AGPAT3: variants seen among roughly 807,000 people sequenced by gnomAD.
AGPAT3 encodes 1-acyl-sn-glycerol-3-phosphate acyltransferase gamma.
In AGPAT3, 5 loss-of-function variants were observed where a neutral mutation model predicts 47.3. That is an observed-to-expected ratio of 0.11 (90% confidence interval 0.06 to 0.22). The LOEUF is 0.22. AGPAT3 is among the 10% of genes least tolerant of loss of function. The pLI is 1.00. For missense variants in AGPAT3, 315 were observed against 493.0 expected (o/e 0.64, Z 3.42); for synonymous variants, 212 against 208.3 (o/e 1.02, Z -0.15).
rs911994522 is a variant in AGPAT3, at chr21:43,983,368, C to T, written c.*976C>T. 1 of 152,210 alleles carries T rather than the reference C, an allele frequency of 6.6e-6. No homozygotes were observed. Among genetic ancestry groups the T allele is most frequent in the Non-Finnish European group, 1.5e-5 (1 of 68,028 alleles). 9.4% of individuals were successfully genotyped at this position (152,210 alleles called of 1,614,324 possible). Reference sequence around the variant, plus strand: ...CTGTTAACACTGAGCTCATTGACTTCTAGAGATTTTATTTTTACTGGTTGA... The same window carrying T: ...CTGTTAACACTGAGCTCATTGACTTTTAGAGATTTTATTTTTACTGGTTGA... On this transcript the variant is annotated 3_prime_UTR_variant, in exon 10 of 10. Transcript: ENST00000291572.
intron 7 of AGPAT3, among the ~76,000 whole-genome samples, chr21:43,971,916 G>A (rs1421163206): frequency 6.6e-6 from 1 of 152,112 alleles, no homozygotes; most frequent in Non-Finnish European, 1.5e-5. Context: ...AGTCTCCTGG[G>A]GCCCACAGTC....
intron 1 of AGPAT3, among the ~76,000 whole-genome samples, chr21:43,871,096 G>A (rs2085615025): frequency 6.6e-6 from 1 of 152,246 alleles, no homozygotes; most frequent in Admixed American, 6.5e-5. Flanking sequence ...GTTGCCAACT[G>A]AATTCAACTG....
intron 3 of AGPAT3, chr21:43,964,997 T>C: frequency 6.4e-6 from 1 of 155,462 alleles, no homozygotes; most frequent in African/African-American, 2.4e-5. Context: ...GGTGTGATCT[T>C]GGCTCACTGC....
intron 1 of AGPAT3, among the ~76,000 whole-genome samples, chr21:43,893,965 G>T (rs1035743672): frequency 6.6e-6 from 1 of 152,180 alleles, no homozygotes; most frequent in Admixed American, 6.5e-5. Flanking sequence ...ACTTGATGTT[G>T]GAAAAACGTG....
intron 1 of AGPAT3, among the ~76,000 whole-genome samples, chr21:43,895,205 A>G (rs543548416): frequency 1.3e-5 from 2 of 151,832 alleles, no homozygotes; most frequent in Non-Finnish European, 1.5e-5. Context: ...CTTGGGTTCA[A>G]GCGATTCTCC....
At chr21:43,976,430 C>G (rs2089625176) in intron 7 of AGPAT3, among the ~76,000 whole-genome samples, 1 of 152,148 alleles carries the variant, frequency 6.6e-6, no homozygotes, top group Non-Finnish European at 1.5e-5. Context: ...GAACTCCTGG[C>G]CTCGTGGTCT....
intron 7 of AGPAT3, among the ~76,000 whole-genome samples, chr21:43,972,336 G>A (rs1434387045): frequency 6.6e-6 from 1 of 152,138 alleles, no homozygotes; most frequent in Non-Finnish European, 1.5e-5. Flanking sequence ...AGTAGAGACA[G>A]GGTTTTACCA....
Position 43,933,520 on chromosome 21 carries a change from C to T in AGPAT3, c.-48-26114C>T, listed in dbSNP as rs1569073021. On this transcript the variant is annotated intron_variant, in intron 2 of 9. Coordinates refer to ENST00000291572, the MANE Select transcript of AGPAT3 (RefSeq NM_020132.5). This position sits in a 1 kb window ranked among gnomAD's most constrained non-coding sequence, Gnocchi z 6.0. ...CTCCTGGCTGCTTCTTGACATTTTC[C>T]ATGCCCAGCATTGTTCTCAGTGCGC... Among the ~76,000 whole-genome samples, 2 of 152,112 alleles carry T rather than the reference C, an allele frequency of 1.3e-5. No homozygotes were observed. Among genetic ancestry groups the T allele is most frequent in the African/African-American group, 2.4e-5 (1 of 41,402 alleles).
chr21:43,957,845 GT>G (rs1454996872), intron 2 of AGPAT3, among the ~76,000 whole-genome samples: 1 of 152,244 alleles, frequency 6.6e-6, no homozygotes, highest in East Asian at 1.9e-4. Flanking sequence ...CCACACGGGG[GT>G]TGTAGGGCCG....
At chr21:43,968,494 G>A (rs2089250640) in intron 4 of AGPAT3, among the ~76,000 whole-genome samples, 1 of 151,808 alleles carries the variant, frequency 6.6e-6, no homozygotes, top group South Asian at 2.1e-4. Flanking sequence ...AGAGGAGCTG[G>A]GAGAGCCTTG....
rs748842140 is a variant in AGPAT3 at position 43,955,659 on chromosome 21, G to A, written c.-48-3975G>A. On this transcript the variant is annotated intron_variant, in intron 2 of 9. Coordinates refer to ENST00000291572, the MANE Select transcript of AGPAT3 (RefSeq NM_020132.5). The surrounding 1 kb of genome is among the most constrained non-coding windows in gnomAD (Gnocchi z 4.1). ...GGTGGCTCACACCTGTAATCCCAGCGCTTTGGGAGGTCGAGTTGGGCGGAT... is the reference window on the plus strand; with the variant it reads ...GGTGGCTCACACCTGTAATCCCAGCACTTTGGGAGGTCGAGTTGGGCGGAT... 6.6e-6 allele frequency among the ~76,000 whole-genome samples: 1 copy of A among 151,906 alleles called. No homozygotes were observed. Among genetic ancestry groups the A allele is most frequent in the Non-Finnish European group, 1.5e-5 (1 of 67,970 alleles).
At chr21:43,938,608 T>G (rs2087532896) in intron 2 of AGPAT3, among the ~76,000 whole-genome samples, 1 of 152,118 alleles carries the variant, frequency 6.6e-6, no homozygotes, top group Admixed American at 6.6e-5. Context: ...AATCTTCTAT[T>G]TTGTTCAGAC....
chr21:43,876,438 G>T (rs2085735102), intron 1 of AGPAT3, among the ~76,000 whole-genome samples: 1 of 152,218 alleles, frequency 6.6e-6, no homozygotes, highest in Non-Finnish European at 1.5e-5. Flanking sequence ...GGCTTGAAGG[G>T]AGCAAAGCCT....
intron 2 of AGPAT3, among the ~76,000 whole-genome samples, chr21:43,921,905 C>G (rs983371629): frequency 4.6e-5 from 7 of 152,096 alleles, no homozygotes; most frequent in African/African-American, 1.7e-4. Context: ...CTGTCTCCCC[C>G]ACCAAGGTGT....
At chr21:43,875,777 T>G (rs1441083355) in intron 1 of AGPAT3, among the ~76,000 whole-genome samples, 1 of 152,134 alleles carries the variant, frequency 6.6e-6, no homozygotes, top group Non-Finnish European at 1.5e-5. Flanking sequence ...CCGGCTAATT[T>G]TTGTATTTCT....
At chr21:43,963,707 CA>C (rs10582784) in intron 3 of AGPAT3, among the ~76,000 whole-genome samples, 21,200 of 66,056 alleles carry the variant, frequency 0.32, 1,001 homozygotes, top group Admixed American at 0.35. Flanking sequence ...GACTCTGTCT[CA>C]AAAAAAAAAA....
intron 2 of AGPAT3, among the ~76,000 whole-genome samples, chr21:43,914,770 G>T (rs1463346018): frequency 2.0e-5 from 3 of 152,058 alleles, no homozygotes; most frequent in African/African-American, 7.2e-5. Context: ...TCGAACTCCT[G>T]GTCTCAAGTG....
In AGPAT3 at chr21:43,956,980, C is replaced by T. The variant is rs1010702124; in HGVS notation, c.-48-2654C>T. ...AAGGGAAGAAGACCCCTCCACCTTT[C>T]GAGGGGAGGAGCGAAAGTGTTTCAG... On this transcript the variant is annotated intron_variant, in intron 2 of 9. Transcript: ENST00000291572. Among the ~76,000 whole-genome samples the T allele has an allele frequency of 7.9e-5, 12 of 152,272 alleles. No homozygotes were observed. In the Middle Eastern group the frequency reaches 0.01, roughly 129 times the overall value.
chr21:43,895,185 A>G (rs1226329149), intron 1 of AGPAT3, among the ~76,000 whole-genome samples: 3 of 151,006 alleles, frequency 2.0e-5, no homozygotes, highest in Admixed American at 6.6e-5. Context: ...GCTCACTGCA[A>G]CCTCCACCTC....
Sources: gnomAD v4.1 joint callset for allele counts (sites outside exome capture counted in the v4.1 genomes callset) on GRCh38, gnomAD v4.1.1 for gene constraint, Gnocchi (gnomAD v3.1) non-coding constraint, MANE v1.5 for transcripts, NCBI Gene and HGNC (gene_info 2026-07-23, HGNC 2026-07-21) for gene names.